The following GPANK1 variants were observed in gnomAD, a reference collection of about 807,000 sequenced individuals.
GPANK1 encodes G patch domain and ankyrin repeat-containing protein 1.
In GPANK1, 22 loss-of-function variants were observed where a neutral mutation model predicts 24.0. The ratio of observed to expected loss-of-function variants is 0.92; its 90% CI spans 0.66 to 1.31. The LOEUF (loss-of-function observed/expected upper bound fraction) is 1.31. GPANK1 is among the 50% of genes most tolerant of loss of function. The pLI is 0.00. For missense variants in GPANK1, 469 were observed against 453.5 expected, an observed-to-expected ratio of 1.03 and a Z score of -0.31; for synonymous variants, 174 against 177.4, an observed-to-expected ratio of 0.98 and a Z score of 0.15.
In GPANK1 at chr6:31,663,736, C is replaced by G. The variant is rs941609668; in HGVS notation, c.626+117G>C. On this transcript the variant is annotated intron_variant, in intron 2 of 2. Coordinates refer to ENST00000375896, the MANE Select transcript of GPANK1 (RefSeq NM_033177.4). ...CCACTTGACTATACTACCCTGTCAA[C>G]CTACACATGAGGATAAGGAAAGAAC... 1.9e-5 allele frequency: 27 copies of G among 1,448,368 alleles called. No homozygotes were observed. The African/African-American group carries it at 3.5e-4, about 19-fold the overall frequency. The allele number at this position is 1,448,368 out of a possible 1,614,324, so 89.7% of individuals were successfully genotyped here.
chr6:31,665,282 C>A (rs2151175132), upstream of GPANK1: 4 of 684,062 alleles, frequency 5.8e-6, no homozygotes, highest in South Asian at 5.2e-5. Context: ...CGCTCCAAGC[C>A]CATTTTCTGG....
chr6:31,662,008 T>A lies in GPANK1; in HGVS notation c.*258A>T. The A allele has an allele frequency of 2.5e-6, 1 of 398,078 alleles. No homozygotes were observed. Among genetic ancestry groups the A allele is most frequent in the Non-Finnish European group, 4.4e-6 (1 of 225,168 alleles). The allele number at this position is 398,078 out of a possible 1,614,324, so 24.7% of individuals were successfully genotyped here. A position where few individuals can be genotyped will look rare whatever the true frequency, so the allele number is the denominator to read the frequency against. ...TCATGCCACCTGGAGAGGCTGCCCC[T>A]TCTGACTCAGGTGGGACTTGCATGT... On this transcript the variant is annotated 3_prime_UTR_variant, in exon 3 of 3. Transcript: ENST00000375896. The surrounding 1 kb of genome is among the most constrained non-coding windows in gnomAD (Gnocchi z 5.5).
At position 31,664,024 on chromosome 6, in the gene GPANK1, C is replaced by G. The variant is rs761935261; in HGVS notation, c.455G>C (p.Arg152Pro). The G allele has an allele frequency of 2.5e-6, 4 of 1,614,210 alleles. No individual in the cohort carries two copies. Among genetic ancestry groups the G allele is most frequent in the Non-Finnish European group, 3.4e-6 (4 of 1,180,046 alleles). ...GCTCACAGCTGCCCCCTGGCCCGCT[C>G]GAGCAGCACACATCAGTGGGGTCCA... ...FWWTPLMCAARAGQGAAVSYL... is the reference protein window; with the variant it reads ...FWWTPLMCAAPAGQGAAVSYL... The change falls in exon 2 of 3, where the codon CGA becomes CCA. Residue 152 changes from arginine (R) to proline (P), a missense_variant. Physicochemically the swap from Arg to Pro is moderately radical, Grantham distance 103. Coordinates refer to ENST00000375896, the MANE Select transcript of GPANK1 (RefSeq NM_033177.4).
chr6:31,662,765 T>G lies in GPANK1; in HGVS notation c.627-55A>C. ...GCAGGGGAAGGAAAAGGGGAAGAGT[T>G]GAGGCCTCAGAGGGGGCTGGCAGGG... On this transcript the variant is annotated intron_variant, in intron 2 of 2. Coordinates refer to ENST00000375896, the MANE Select transcript of GPANK1 (RefSeq NM_033177.4). This position sits in a 1 kb window ranked among gnomAD's most constrained non-coding sequence, Gnocchi z 5.5. 1 of 1,165,998 alleles carries G rather than the reference T, an allele frequency of 8.6e-7. No homozygotes were observed. The allele number at this position is 1,165,998 out of a possible 1,614,324, so 72.2% of individuals were successfully genotyped here.
At chr6:31,665,477 G>A (rs770555923), upstream of GPANK1, 22 of 1,568,214 alleles carry the variant, frequency 1.4e-5, no homozygotes, top group East Asian at 2.4e-5. Context: ...CGAGCAGAAT[G>A]GCTGGCACCA....
rs2151158157 is a variant in GPANK1, at chr6:31,661,411, A to G, written c.*855T>C. 6.6e-6 allele frequency: 1 copy of G among 152,392 alleles called. No individual in the cohort carries two copies. Among genetic ancestry groups the G allele is most frequent in the East Asian group, 1.9e-4 (1 of 5,178 alleles). The allele number at this position is 152,392 out of a possible 1,614,324, so 9.4% of individuals were successfully genotyped here. A position where few individuals can be genotyped will look rare whatever the true frequency, so the allele number is the denominator to read the frequency against. On this transcript the variant is annotated 3_prime_UTR_variant, in exon 3 of 3. Transcript: ENST00000375896. Reference sequence around the variant, plus strand: ...TTATCACCCTGCATTATAATATTTGATAACATGGGCCGGGAGTGGTGGCTC... The same window carrying G: ...TTATCACCCTGCATTATAATATTTGGTAACATGGGCCGGGAGTGGTGGCTC...
upstream of GPANK1, chr6:31,665,261 A>T: frequency 1.6e-6 from 1 of 623,564 alleles, no homozygotes; most frequent in South Asian, 1.9e-5. Context: ...CGCCTTCCTC[A>T]ACGTGGCCCC....
In GPANK1 at chr6:31,664,522, A is replaced by T; in HGVS notation, c.-44T>A. 6.6e-7 allele frequency: 1 copy of T among 1,505,700 alleles called. No homozygotes were observed. The highest frequency in any genetic ancestry group is 1.2e-5 in the South Asian group (1 of 84,070). 93.3% of individuals were successfully genotyped at this position (1,505,700 alleles called of 1,614,324 possible). A position where few individuals can be genotyped will look rare whatever the true frequency, so the allele number is the denominator to read the frequency against. On this transcript the variant is annotated 5_prime_UTR_variant, in exon 2 of 3. Coordinates refer to ENST00000375896, the MANE Select transcript of GPANK1 (RefSeq NM_033177.4). The stretch of plus-strand genomic sequence containing the variant: ...GAAAATGATACCAGGCAAGGGAAGG[A>T]TGAGACAAGTAAGCCAAGCTCGTGG...
In GPANK1 at chr6:31,662,282, A is replaced by G. The variant is rs758929154; in HGVS notation, c.1055T>C (p.Met352Thr). The change falls in exon 3 of 3, where the codon ATG becomes ACG. Residue 352 changes from methionine to threonine, a missense_variant. Met to Thr is a moderately conservative substitution (Grantham distance 81). Transcript: ENST00000375896. This position sits in a 1 kb window ranked among gnomAD's most constrained non-coding sequence, Gnocchi z 5.5. The part of the protein sequence containing the change: ...RAWERDLRTY[M>T]NLEF Reference sequence around the variant, plus strand: ...TTACCAAAGTCAGAACTCGAGGTTCATGTAAGTCCTTAGATCCCGCTCCCA... The same window carrying G: ...TTACCAAAGTCAGAACTCGAGGTTCGTGTAAGTCCTTAGATCCCGCTCCCA... 2.6e-6 allele frequency: 4 copies of G among 1,548,300 alleles called. No individual in the cohort carries two copies. Among genetic ancestry groups the G allele is most frequent in the Non-Finnish European group, 3.5e-6 (4 of 1,143,566 alleles).
intron 1 of GPANK1, 98 bp from the exon 2 acceptor site, chr6:31,664,675 G>A (rs1395017918): frequency 6.9e-6 from 4 of 581,916 alleles, no homozygotes; most frequent in Non-Finnish European, 1.2e-5. Flanking sequence ...GAGACTTTGC[G>A]TAAAAACATG....
upstream of GPANK1, chr6:31,665,464 G>A (rs878869498): frequency 1.1e-5 from 17 of 1,569,808 alleles, no homozygotes; most frequent in South Asian, 1.3e-4. Flanking sequence ...AAGTGCAAAG[G>A]GACGAGCAGA....
chr6:31,665,659 C>T, upstream of GPANK1: 1 of 861,566 alleles, frequency 1.2e-6, no homozygotes, highest in Non-Finnish European at 1.8e-6. Context: ...AGGGGCCCAA[C>T]AGGCAATAAG....
chr6:31,665,837 A>C (rs1801610874), upstream of GPANK1: 8 of 1,152,624 alleles, frequency 6.9e-6, no homozygotes, highest in South Asian at 8.1e-5. Context: ...TATTGCCCAG[A>C]CTCCCGGGCC....
upstream of GPANK1, chr6:31,665,334 G>A (rs1032983082): frequency 9.8e-6 from 10 of 1,016,330 alleles, no homozygotes; most frequent in Non-Finnish European, 1.5e-5. Flanking sequence ...GCCCTCAGGA[G>A]GCGGAGGGAA....
At chr6:31,665,738 A>G, upstream of GPANK1, 2 of 870,636 alleles carry the variant, frequency 2.3e-6, no homozygotes, top group South Asian at 1.8e-5. Context: ...CTAGAGGGGA[A>G]CGTGAGGAGA....
upstream of GPANK1, chr6:31,665,889 T>G: frequency 9.1e-7 from 1 of 1,096,092 alleles, no homozygotes; most frequent in South Asian, 2.8e-5. Flanking sequence ...GGCTTCTCGT[T>G]GTGCCCCGCC....
At chr6:31,666,087 A>C (rs986172611), upstream of GPANK1, 206 of 942,424 alleles carry the variant, frequency 2.2e-4, no homozygotes, top group Admixed American at 1.2e-3. Context: ...CCTAATTTCC[A>C]CTCCCCCCAC....
chr6:31,663,342 G>C (rs1318791843), intron 2 of GPANK1: 1 of 155,002 alleles, frequency 6.5e-6, no homozygotes, highest in South Asian at 2.0e-4. Flanking sequence ...CTCAGTTACA[G>C]ATCAAACTCC....
chr6:31,664,216 G>C lies in GPANK1; in HGVS notation c.263C>G (p.Ala88Gly). Reference sequence around the variant, plus strand: ...TCTCCCTTGTCCATGTCTTCCTGATGCTCCTTCTGCCACTGCTTCTGCTGC... The same window carrying C: ...TCTCCCTTGTCCATGTCTTCCTGATCCTCCTTCTGCCACTGCTTCTGCTGC... ...APAAEAVAEG[A>G]SGRHGQGRSL... The change falls in exon 2 of 3, where the codon GCA becomes GGA. Residue 88 changes from alanine to glycine, a missense_variant. Coordinates refer to ENST00000375896, the MANE Select transcript of GPANK1 (RefSeq NM_033177.4). The C allele has an allele frequency of 6.2e-7, 1 of 1,614,062 alleles. No individual in the cohort carries two copies. The highest frequency in any genetic ancestry group is 8.5e-7 in the Non-Finnish European group (1 of 1,179,912).
Sources: allele counts gnomAD v4.1 joint callset, GRCh38; gene constraint gnomAD v4.1.1; non-coding constraint Gnocchi (gnomAD v3.1); transcripts MANE v1.5; gene names NCBI Gene and HGNC (gene_info 2026-07-23, HGNC 2026-07-21).